The following ANO2 variants were observed in gnomAD, a reference collection of about 807,000 sequenced individuals.
ANO2 encodes anoctamin 2.
ANO2 carries 101 observed loss-of-function variants against 124.2 expected under a neutral mutation model. The ratio of observed to expected loss-of-function variants is 0.81; its 90% CI spans 0.69 to 0.96. ANO2 has a LOEUF of 0.96. Among genes scored for constraint, ANO2 ranks in the 40% least tolerant of loss-of-function variants. ANO2 has a pLI of 0.00. For missense variants in ANO2, 1,293 were observed against 1,274.5 expected (o/e 1.01, Z -0.22); for synonymous variants, 486 against 482.5 (o/e 1.01, Z -0.09).
At chr12:5,946,175 C>T, upstream of ANO2, 1 of 1,613,836 alleles carries the variant, frequency 6.2e-7, no homozygotes, top group South Asian at 1.1e-5. This position sits in a 1 kb window ranked among gnomAD's most constrained non-coding sequence, Gnocchi z 4.1. Context: ...ATTTTCTCTC[C>T]TATATTGATA....
intron 4 of ANO2, among the ~76,000 whole-genome samples, chr12:5,846,973 C>T (rs1167178190): frequency 1.3e-5 from 2 of 152,178 alleles, no homozygotes; most frequent in Admixed American, 6.5e-5. Flanking sequence ...TTGGAAAGTA[C>T]AAGCCTTGTG....
At chr12:5,748,235 G>A (rs141826597) in intron 11 of ANO2, among the ~76,000 whole-genome samples, 12 of 152,268 alleles carry the variant, frequency 7.9e-5, no homozygotes, top group East Asian at 3.9e-4. Context: ...GTGGGGACCC[G>A]GGGCACAAGT....
intron 16 of ANO2, among the ~76,000 whole-genome samples, chr12:5,629,649 C>T (rs1436647455): frequency 2.6e-5 from 4 of 152,214 alleles, no homozygotes. Context: ...CCTGTATCCC[C>T]TCCTGGAGTG....
chr12:5,573,383 G>A (rs1370187544), intron 23 of ANO2, among the ~76,000 whole-genome samples: 1 of 152,140 alleles, frequency 6.6e-6, no homozygotes, highest in Non-Finnish European at 1.5e-5. Flanking sequence ...GACGATGTGA[G>A]CCTGGCTTTC....
chr12:5,813,557 C>T (rs1054344702), intron 7 of ANO2, among the ~76,000 whole-genome samples: 1 of 152,214 alleles, frequency 6.6e-6, no homozygotes, highest in African/African-American at 2.4e-5. Context: ...CGCCCATAAT[C>T]ACATGCAAAG....
chr12:5,721,479 T>G (rs1950232282), intron 14 of ANO2, among the ~76,000 whole-genome samples: 1 of 150,386 alleles, frequency 6.6e-6, no homozygotes, highest in African/African-American at 2.5e-5. Context: ...CATAAAAGTT[T>G]TTTTGGTTTT....
chr12:5,774,761 C>T (rs1266234223), intron 10 of ANO2, among the ~76,000 whole-genome samples: 1 of 152,114 alleles, frequency 6.6e-6, no homozygotes, highest in Non-Finnish European at 1.5e-5. Flanking sequence ...CTTCCAAAGC[C>T]CAGGTCCTGC....
chr12:5,770,704 T>C lies in ANO2; in HGVS notation c.1056-19734A>G, dbSNP rs1389096106. On this transcript the variant is annotated intron_variant, in intron 10 of 24. Coordinates refer to ENST00000682330, the MANE Select transcript of ANO2 (RefSeq NM_001364791.2). Reference sequence around the variant, plus strand: ...TTTTCACTACACTTCTGTCAGATTCTTTCTTCCTCTGCTCAGGATGATTTT... The same window carrying C: ...TTTTCACTACACTTCTGTCAGATTCCTTCTTCCTCTGCTCAGGATGATTTT... Among the ~76,000 whole-genome samples the C allele has an allele frequency of 2.0e-5, 3 of 152,210 alleles. No individual in the cohort carries two copies. The East Asian group carries it at 5.8e-4, about 29-fold the overall frequency.
chr12:5,818,560 A>T (rs974395535), intron 7 of ANO2, among the ~76,000 whole-genome samples: 1 of 146,654 alleles, frequency 6.8e-6, no homozygotes, highest in African/African-American at 2.6e-5. Context: ...ACTAATACAG[A>T]TTTTCTACCA....
chr12:5,851,857 G>A, intron 4 of ANO2: 1 of 698,642 alleles, frequency 1.4e-6, no homozygotes, highest in Non-Finnish European at 2.6e-6. Flanking sequence ...AGCAAGCGGA[G>A]GTTGAAAAAG....
intron 19 of ANO2, among the ~76,000 whole-genome samples, chr12:5,605,437 G>C (rs1205675511): frequency 6.6e-6 from 1 of 152,144 alleles, no homozygotes; most frequent in African/African-American, 2.4e-5. Context: ...ATATGATCTG[G>C]AGCTTTTAGT....
At chr12:5,843,964 G>A (rs974210136) in intron 4 of ANO2, among the ~76,000 whole-genome samples, 4 of 152,220 alleles carry the variant, frequency 2.6e-5, no homozygotes, top group Non-Finnish European at 5.9e-5. Flanking sequence ...GTTAGGACCT[G>A]AAGCAGCTGA....
At chr12:5,706,470 C>T (rs1949615051) in intron 14 of ANO2, among the ~76,000 whole-genome samples, 1 of 152,126 alleles carries the variant, frequency 6.6e-6, no homozygotes, top group Admixed American at 6.5e-5. Flanking sequence ...GCACTCTTTC[C>T]CCAGATATGC....
At chr12:5,855,150 C>T (rs370024953) in intron 3 of ANO2, among the ~76,000 whole-genome samples, 3 of 152,100 alleles carry the variant, frequency 2.0e-5, no homozygotes, top group African/African-American at 2.4e-5. Flanking sequence ...AGAGAAGGAA[C>T]GAGCTGATAG....
chr12:5,806,185 T>C lies in ANO2; in HGVS notation c.949-92A>G, dbSNP rs927196415. 13 of 1,323,934 alleles carry C rather than the reference T, an allele frequency of 9.8e-6. No homozygotes were observed. The Admixed American group carries it at 2.6e-4, about 27-fold the overall frequency. The allele number at this position is 1,323,934 out of a possible 1,614,324, so 82.0% of individuals were successfully genotyped here. ...GGATTTTCTTTTTTATTTTCTAATATCATTGCTTTTTTTTCATTCCCATTT... is the reference window on the plus strand; with the variant it reads ...GGATTTTCTTTTTTATTTTCTAATACCATTGCTTTTTTTTCATTCCCATTT... On this transcript the variant is annotated intron_variant, in intron 8 of 24. Transcript: ENST00000682330.
intron 14 of ANO2, among the ~76,000 whole-genome samples, chr12:5,663,398 C>A (rs1196639052): frequency 2.6e-5 from 4 of 152,186 alleles, no homozygotes; most frequent in African/African-American, 4.8e-5. Flanking sequence ...GAGTCTCTTT[C>A]CTCCTTTCTC....
At chr12:5,583,699 T>C (rs1433231325) in intron 20 of ANO2, 1 of 129,260 alleles carries the variant, frequency 7.7e-6, no homozygotes, top group Non-Finnish European at 1.7e-5. Context: ...TATTGTTTAA[T>C]AAAAGCAACA....
At chr12:5,919,442 CA>C (rs1565778847) in intron 3 of ANO2, among the ~76,000 whole-genome samples, 137 of 141,668 alleles carry the variant, frequency 9.7e-4, no homozygotes, top group East Asian at 2.3e-3. Flanking sequence ...GAGAGGGCAA[CA>C]GCACAAAGAC....
chr12:5,787,449 C>T lies in ANO2; in HGVS notation c.1055+12058G>A, dbSNP rs1166386762. Among the ~76,000 whole-genome samples, 1 of 152,210 alleles carries T rather than the reference C, an allele frequency of 6.6e-6. No individual in the cohort carries two copies. The highest frequency in any genetic ancestry group is 2.4e-5 in the African/African-American group (1 of 41,460). ...CCTTCCCCCAGCAGTGGGGCATACACATGGTGGAGAAGCCAGACTCAGGAG... is the reference window on the plus strand; with the variant it reads ...CCTTCCCCCAGCAGTGGGGCATACATATGGTGGAGAAGCCAGACTCAGGAG... On this transcript the variant is annotated intron_variant, in intron 10 of 24. Transcript: ENST00000682330. The surrounding 1 kb of genome is among the most constrained non-coding windows in gnomAD (Gnocchi z 4.2).
Sources: gnomAD v4.1 joint callset for allele counts (sites outside exome capture counted in the v4.1 genomes callset) on GRCh38, gnomAD v4.1.1 for gene constraint, Gnocchi (gnomAD v3.1) non-coding constraint, MANE v1.5 for transcripts, NCBI Gene and HGNC (gene_info 2026-07-23, HGNC 2026-07-21) for gene names.